Variants in EDA observed in about 807,000 individuals in gnomAD.
The protein encoded by EDA is ectodysplasin A.
A neutral mutation model predicts 23.6 loss-of-function variants in EDA; 2 were observed. The ratio of observed to expected loss-of-function variants is 0.08; its 90% CI spans 0.03 to 0.27. The LOEUF is 0.27. Ranked by LOEUF, EDA falls within the 10% of genes least tolerant of loss-of-function variation. The pLI, the probability that EDA is intolerant of heterozygous loss-of-function variation, is 1.00. For missense variants in EDA, 229 were observed against 324.2 expected (o/e 0.71, Z 2.26); for synonymous variants, 131 against 132.0 (o/e 0.99, Z 0.05).
intron 2 of EDA, among the ~76,000 whole-genome samples, chrX:69,972,124 G>T (rs917700402): frequency 2.7e-5 from 3 of 111,235 alleles, no homozygotes; most frequent in African/African-American, 6.5e-5. Flanking sequence ...TCCTCAAAGG[G>T]CTATACTGTG....
chrX:69,661,229 A>G (rs1376625806), intron 1 of EDA, among the ~76,000 whole-genome samples: 1 of 105,219 alleles, frequency 9.5e-6, no homozygotes, highest in Non-Finnish European at 1.9e-5. Context: ...TAAATTCTTC[A>G]TAGATTCTGG....
intron 1 of EDA, among the ~76,000 whole-genome samples, chrX:69,923,317 G>A (rs774989942): frequency 1.8e-5 from 2 of 110,282 alleles, no homozygotes; most frequent in Non-Finnish European, 1.9e-5. Flanking sequence ...AAGCCCTGGT[G>A]TGTGTTGTTC....
chrX:69,747,784 G>T (rs1439099147), intron 1 of EDA, among the ~76,000 whole-genome samples: 2 of 111,778 alleles, frequency 1.8e-5, no homozygotes, highest in Non-Finnish European at 3.8e-5. Flanking sequence ...TTCCTTTCTG[G>T]TTTTAGTAAC....
chrX:69,917,304 C>G, intron 1 of EDA, among the ~76,000 whole-genome samples: 1 of 111,819 alleles, frequency 8.9e-6, no homozygotes, highest in Non-Finnish European at 1.9e-5. Context: ...AAATAAATAT[C>G]ATCCATTGGT....
rs148501320 is a variant in EDA at position 69,698,833 on chromosome X, T to A, written c.396+82129T>A. Among the ~76,000 whole-genome samples, 885 of 110,491 alleles carry A rather than the reference T, an allele frequency of 8.0e-3. 9 individuals carry two copies. Among genetic ancestry groups the A allele is most frequent in the African/African-American group, 0.028 (849 of 30,307 alleles). ...GCCTTGGGTAATTTGGCTGATAGAG[T>A]CAGGCTGTTATCAGATTGGATGAGT... On this transcript the variant is annotated intron_variant, in intron 1 of 7. Transcript: ENST00000374552.
intron 2 of EDA, among the ~76,000 whole-genome samples, chrX:69,981,915 G>C (rs1163703848): frequency 2.7e-5 from 3 of 111,608 alleles, no homozygotes; most frequent in African/African-American, 9.8e-5. Flanking sequence ...AGCATGGTCA[G>C]ATACTTGCTT....
intron 1 of EDA, among the ~76,000 whole-genome samples, chrX:69,939,392 A>T (rs2018723697): frequency 9.1e-6 from 1 of 109,671 alleles, no homozygotes; most frequent in African/African-American, 3.3e-5. Context: ...TCTTTTTCAG[A>T]TTGTTTGCTG....
chrX:69,994,767 A>G (rs1392709831), intron 2 of EDA, among the ~76,000 whole-genome samples: 1 of 112,005 alleles, frequency 8.9e-6, no homozygotes, highest in Admixed American at 9.5e-5. Flanking sequence ...ACCCAGCCAC[A>G]TGATATCTTA....
chrX:69,818,951 G>A (rs778019178), intron 1 of EDA, among the ~76,000 whole-genome samples: 1 of 111,670 alleles, frequency 9.0e-6, no homozygotes, highest in African/African-American at 3.2e-5. Context: ...CTTAGTGAAC[G>A]TTGATGCAAA....
intron 1 of EDA, among the ~76,000 whole-genome samples, chrX:69,682,059 A>T (rs1245161295): frequency 9.0e-6 from 1 of 111,285 alleles, no homozygotes; most frequent in Non-Finnish European, 1.9e-5. Context: ...CCTCAGCTGC[A>T]GGTCTGTTGG....
intron 2 of EDA, among the ~76,000 whole-genome samples, chrX:69,969,348 G>A (rs1299962781): frequency 1.8e-5 from 2 of 112,372 alleles, no homozygotes; most frequent in Non-Finnish European, 3.8e-5. Flanking sequence ...TCTCATGATA[G>A]CTTCACAGTA....
Position 69,838,486 on chromosome X carries a change from G to A in EDA, c.397-118541G>A, listed in dbSNP as rs185391427. ...ACTAAATATACAAAAAATTAGCCGG[G>A]CGTGGTGGCAGGCGCCTGTAGTCCC... On this transcript the variant is annotated intron_variant, in intron 1 of 7. Transcript: ENST00000374552. Among the ~76,000 whole-genome samples the A allele has an allele frequency of 3.9e-4, 44 of 111,826 alleles. No homozygotes were observed. The East Asian group carries it at 9.1e-3, about 23-fold the overall frequency.
chrX:69,849,116 C>T (rs866161733), intron 1 of EDA, among the ~76,000 whole-genome samples: 3 of 97,446 alleles, frequency 3.1e-5, no homozygotes, highest in East Asian at 2.9e-4. Context: ...CACACACACA[C>T]ACACACACAC....
intron 1 of EDA, among the ~76,000 whole-genome samples, chrX:69,678,161 G>A (rs1250537497): frequency 1.8e-5 from 2 of 110,727 alleles, no homozygotes; most frequent in African/African-American, 3.3e-5. Flanking sequence ...TGAGGGCTCT[G>A]TTCTGTTCCA....
Position 70,028,051 on chromosome X carries a change from C to T in EDA, c.706+15C>T. ...GGGACCTTCTGGTGAGTTCCCCTGT[C>T]TCTCCACCCCACCAGGTGCCTTTAA... On this transcript the variant is annotated intron_variant, in intron 4 of 7. Coordinates refer to ENST00000374552, the MANE Select transcript of EDA (RefSeq NM_001399.5). 8.4e-7 allele frequency: 1 copy of T among 1,197,459 alleles called. No individual in the cohort carries two copies. The highest frequency in any genetic ancestry group is 1.1e-6 in the Non-Finnish European group (1 of 888,753).
At chrX:69,966,312 G>A (rs1483362380) in intron 2 of EDA, among the ~76,000 whole-genome samples, 1 of 111,682 alleles carries the variant, frequency 9.0e-6, no homozygotes, top group East Asian at 2.8e-4. Flanking sequence ...GGGTGCAGTG[G>A]CTCACGCCTG....
intron 1 of EDA, among the ~76,000 whole-genome samples, chrX:69,769,526 T>A (rs1353723387): frequency 9.0e-6 from 1 of 111,570 alleles, no homozygotes; most frequent in Non-Finnish European, 1.9e-5. Flanking sequence ...TGACAATTGA[T>A]GTGGTTAGGT....
intron 1 of EDA, among the ~76,000 whole-genome samples, chrX:69,718,060 C>T (rs188466034): frequency 1.8e-5 from 2 of 111,904 alleles, no homozygotes; most frequent in Admixed American, 9.5e-5. Context: ...AAGCCGTCAA[C>T]GTTTCCTATA....
chrX:70,028,150 A>T, intron 4 of EDA, 114 bp downstream of exon 4: 1 of 1,113,966 alleles, frequency 9.0e-7, no homozygotes, highest in Non-Finnish European at 1.2e-6. Flanking sequence ...GGTGTGCAAT[A>T]AGGGATGCAG....
Sources: allele counts gnomAD v4.1 joint callset (sites outside exome capture counted in the v4.1 genomes callset), GRCh38; gene constraint gnomAD v4.1.1; transcripts MANE v1.5; gene names NCBI Gene and HGNC (gene_info 2026-07-23, HGNC 2026-07-21).